The following PIK3AP1 variants were observed in gnomAD, a reference collection of about 807,000 sequenced individuals.
PIK3AP1 encodes the protein phosphoinositide 3-kinase adapter protein 1.
A neutral mutation model predicts 88.1 loss-of-function variants in PIK3AP1; 21 were observed. That is an observed-to-expected ratio of 0.24 (90% CI 0.17 to 0.34). The LOEUF is 0.34. Ranked by LOEUF, PIK3AP1 falls within the 10% of genes least tolerant of loss-of-function variation. The pLI, the probability that PIK3AP1 is intolerant of heterozygous loss-of-function variation, is 1.00. For synonymous variants in PIK3AP1, 398 were observed against 400.0 expected (o/e 1.00, Z 0.06); for missense variants, 828 against 1,035.7 (o/e 0.80, Z 2.75).
chr10:96,612,066 T>C (rs1023483135), intron 13 of PIK3AP1, among the ~76,000 whole-genome samples: 6 of 152,200 alleles, frequency 3.9e-5, no homozygotes, highest in Non-Finnish European at 8.8e-5. Context: ...ATTAAGTAGA[T>C]AAGTCAGGTT....
chr10:96,598,046 T>TG (rs1181400805), intron 16 of PIK3AP1, among the ~76,000 whole-genome samples: 291 of 27,618 alleles, frequency 0.011, 2 homozygotes, highest in Middle Eastern at 0.022. Context: ...TTTTTGTTGT[T>TG]TTTTTTTTTT....
At chr10:96,705,714 C>T (rs1038525971) in intron 2 of PIK3AP1, among the ~76,000 whole-genome samples, 1 of 151,478 alleles carries the variant, frequency 6.6e-6, no homozygotes, top group African/African-American at 2.4e-5. Flanking sequence ...TCCCAAGTAG[C>T]TAGGACAACA....
chr10:96,640,183 G>A (rs762198756), intron 8 of PIK3AP1, among the ~76,000 whole-genome samples: 2 of 152,238 alleles, frequency 1.3e-5, no homozygotes, highest in Non-Finnish European at 2.9e-5. Flanking sequence ...GTAACATGAA[G>A]CAGAACAGTC....
intron 16 of PIK3AP1, among the ~76,000 whole-genome samples, chr10:96,597,528 C>T (rs1589475252): frequency 1.3e-5 from 2 of 152,162 alleles, no homozygotes; most frequent in East Asian, 3.9e-4. Context: ...AATCAGTAAA[C>T]TCTACAGAGC....
intron 2 of PIK3AP1, among the ~76,000 whole-genome samples, chr10:96,678,703 C>T (rs1326545098): frequency 6.6e-6 from 1 of 152,216 alleles, no homozygotes; most frequent in African/African-American, 2.4e-5. Context: ...TGACCCACCT[C>T]TCCACCACTC....
chr10:96,623,645 C>A, intron 10 of PIK3AP1, 108 bp from the exon 11 acceptor site: 1 of 966,390 alleles, frequency 1.0e-6, no homozygotes, highest in Admixed American at 2.1e-5. Flanking sequence ...TTCTGTAAAT[C>A]AAAATTGTAG....
At position 96,604,058 on chromosome 10, in the gene PIK3AP1, T is replaced by A; in HGVS notation, c.2171-9A>T. ...GCGGTTACTTGTGCTACCTAAAGGG[T>A]AGAAAGAAAATCAGCCGGATTGAGG... On this transcript the variant is annotated splice_polypyrimidine_tract_variant and intron_variant, in intron 14 of 16. Coordinates refer to ENST00000339364, the MANE Select transcript of PIK3AP1 (RefSeq NM_152309.3). 1 of 1,578,210 alleles carries A rather than the reference T, an allele frequency of 6.3e-7. No homozygotes were observed. The highest frequency in any genetic ancestry group is 8.7e-7 in the Non-Finnish European group (1 of 1,155,054).
At chr10:96,709,047 C>T (rs982779396) in intron 2 of PIK3AP1, among the ~76,000 whole-genome samples, 1 of 144,030 alleles carries the variant, frequency 6.9e-6, no homozygotes, top group Non-Finnish European at 1.5e-5. Flanking sequence ...GCAGGAGAAT[C>T]GTTTGAACCT....
intron 10 of PIK3AP1, among the ~76,000 whole-genome samples, chr10:96,624,944 T>C (rs1273481707): frequency 6.6e-6 from 1 of 152,180 alleles, no homozygotes; most frequent in Non-Finnish European, 1.5e-5. Context: ...ATTACCAGCA[T>C]ATATTTGCAT....
intron 2 of PIK3AP1, among the ~76,000 whole-genome samples, chr10:96,692,984 C>T (rs1261075385): frequency 6.6e-6 from 1 of 152,134 alleles, no homozygotes; most frequent in Non-Finnish European, 1.5e-5. Flanking sequence ...GCCTTGTTGC[C>T]ATTCCTGCCA....
At chr10:96,702,597 G>T (rs1169953262) in intron 2 of PIK3AP1, among the ~76,000 whole-genome samples, 1 of 146,472 alleles carries the variant, frequency 6.8e-6, no homozygotes, top group Admixed American at 6.9e-5. Context: ...GCTAAGACTA[G>T]ACTTTAAGTG....
intron 9 of PIK3AP1, among the ~76,000 whole-genome samples, chr10:96,627,163 T>C (rs956619682): frequency 1.3e-5 from 2 of 152,246 alleles, no homozygotes; most frequent in Non-Finnish European, 2.9e-5. Context: ...TCTGTTTTAC[T>C]GCTGGGATTC....
chr10:96,632,871 C>T (rs772557272), intron 8 of PIK3AP1: 4 of 1,609,954 alleles, frequency 2.5e-6, no homozygotes, highest in South Asian at 1.1e-5. Flanking sequence ...TAGGTTCAAT[C>T]GAACATTCAG....
intron 3 of PIK3AP1, 58 bp from the exon 4 acceptor site, chr10:96,652,900 G>C (rs1843561150): frequency 6.4e-7 from 1 of 1,573,672 alleles, no homozygotes; most frequent in African/African-American, 1.4e-5. Flanking sequence ...TAGGGTGTTG[G>C]GCCCAAGGGT....
rs1177465713 is a variant in PIK3AP1, at chr10:96,720,211, G to C, written c.13+171C>G. Reference sequence around the variant, plus strand: ...GCCACAGGCTGGGACGGGAAACGTGGGAAAGTTGGAGTGGGAAGTTTGCGA... The same window carrying C: ...GCCACAGGCTGGGACGGGAAACGTGCGAAAGTTGGAGTGGGAAGTTTGCGA... On this transcript the variant is annotated intron_variant, in intron 1 of 16. Transcript: ENST00000339364. This position sits in a 1 kb window ranked among gnomAD's most constrained non-coding sequence, Gnocchi z 4.6. Among the ~76,000 whole-genome samples the C allele has an allele frequency of 6.6e-6, 1 of 152,204 alleles. No homozygotes were observed. Among genetic ancestry groups the C allele is most frequent in the Non-Finnish European group, 1.5e-5 (1 of 68,026 alleles).
chr10:96,630,521 G>T (rs1843230209), intron 8 of PIK3AP1, among the ~76,000 whole-genome samples: 1 of 152,046 alleles, frequency 6.6e-6, no homozygotes, highest in African/African-American at 2.4e-5. Flanking sequence ...GTGTTTCACG[G>T]AACATTTTCC....
intron 16 of PIK3AP1, 42 bp downstream of exon 16, chr10:96,602,238 T>C: frequency 2.0e-6 from 3 of 1,474,794 alleles, no homozygotes; most frequent in Non-Finnish European, 2.8e-6. Flanking sequence ...TCCCCTAGGA[T>C]TCAGAGATAA....
chr10:96,682,734 G>A (rs747983539), intron 2 of PIK3AP1, among the ~76,000 whole-genome samples: 9 of 151,958 alleles, frequency 5.9e-5, no homozygotes, highest in African/African-American at 2.2e-4. Flanking sequence ...ACCTTAACAG[G>A]GTTTTCCATA....
rs776605514 is a variant in PIK3AP1, at chr10:96,651,616, A to C, written c.748T>G (p.Ser250Ala). Residue 250 changes from serine to alanine, a missense_variant, in exon 5 of 17, where the codon TCT (serine) becomes GCT (alanine). This residue lies in a region of PIK3AP1 where 610 missense variants were observed against 760.1 expected (regional missense o/e 0.80). Coordinates refer to ENST00000339364, the MANE Select transcript of PIK3AP1 (RefSeq NM_152309.3). ...GTTTCACACACCACTAAGTCTCCAG[A>C]ATATATCTTCAGAGAAACGTTCCCA... ...SSGNVSLKIYSGDLVVCETVI... is the reference protein window; with the variant it reads ...SSGNVSLKIYAGDLVVCETVI... 2.8e-5 allele frequency: 45 copies of C among 1,614,182 alleles called. No individual in the cohort carries two copies. The highest frequency in any genetic ancestry group is 3.7e-5 in the Non-Finnish European group (44 of 1,180,008).
Sources: gnomAD v4.1 joint callset for allele counts (sites outside exome capture counted in the v4.1 genomes callset) on GRCh38, gnomAD v4.1.1 for gene constraint, gnomAD v4.1.1 regional missense constraint, Gnocchi (gnomAD v3.1) non-coding constraint, MANE v1.5 for transcripts, NCBI Gene and HGNC (gene_info 2026-07-23, HGNC 2026-07-21) for gene names.